The following DERL2 variants were observed in gnomAD, a reference collection of about 807,000 sequenced individuals.
DERL2 encodes derlin 2, also known as derlin-2.
In DERL2, 13 loss-of-function variants were observed where a neutral mutation model predicts 32.0. That is an observed-to-expected ratio of 0.41 (90% CI 0.26 to 0.65). The LOEUF is 0.65. Ranked by LOEUF, DERL2 falls within the 30% of genes least tolerant of loss-of-function variation. DERL2 has a pLI of 0.35. For synonymous variants in DERL2, 111 were observed against 104.7 expected (o/e 1.06, Z -0.37); for missense variants, 208 against 296.3 (o/e 0.70, Z 2.19).
intron 6 of DERL2, 60 bp downstream of exon 6, chr17:5,479,994 A>G: frequency 9.4e-7 from 1 of 1,067,646 alleles, no homozygotes; most frequent in Admixed American, 2.0e-5. Context: ...AAGAAAACAC[A>G]GATCATGCCC....
chr17:5,480,254 A>G, intron 5 of DERL2, 110 bp from the exon 6 acceptor site: 1 of 1,227,454 alleles, frequency 8.1e-7, no homozygotes, highest in South Asian at 1.4e-5. Context: ...CATAATTATT[A>G]AAAATTAATG....
chr17:5,483,293 T>C (rs764568814), intron 2 of DERL2, among the ~76,000 whole-genome samples: 1 of 151,574 alleles, frequency 6.6e-6, no homozygotes, highest in Non-Finnish European at 1.5e-5. Flanking sequence ...ATGTTTACAT[T>C]AGGCAGTCAG....
At position 5,481,557 on chromosome 17, in the gene DERL2, G is replaced by A. The variant is rs1046160777; in HGVS notation, c.234-168C>T. Among the ~76,000 whole-genome samples, 3 of 152,162 alleles carry A rather than the reference G, an allele frequency of 2.0e-5. No homozygotes were observed. Among genetic ancestry groups the A allele is most frequent in the Non-Finnish European group, 4.4e-5 (3 of 68,034 alleles). The stretch of plus-strand genomic sequence containing the variant: ...GTGATTACTTTTTTACCAAGCATTT[G>A]AGAAAAGGTCAAGACCAGCATCATT... On this transcript the variant is annotated intron_variant, in intron 3 of 6. Coordinates refer to ENST00000158771, the MANE Select transcript of DERL2 (RefSeq NM_016041.5). The surrounding 1 kb of genome is among the most constrained non-coding windows in gnomAD (Gnocchi z 4.4).
chr17:5,480,586 G>C lies in DERL2; in HGVS notation c.328-4C>G, dbSNP rs1905711192. The C allele has an allele frequency of 2.0e-6, 3 of 1,488,366 alleles. No homozygotes were observed. Among genetic ancestry groups the C allele is most frequent in the Admixed American group, 2.6e-5 (1 of 38,354 alleles). 92.2% of individuals were successfully genotyped at this position (1,488,366 alleles called of 1,614,324 possible). On this transcript the variant is annotated splice_polypyrimidine_tract_variant and splice_region_variant and intron_variant, in intron 4 of 6. Coordinates refer to ENST00000158771, the MANE Select transcript of DERL2 (RefSeq NM_016041.5). The stretch of plus-strand genomic sequence containing the variant: ...AGCTCACAAACAGACCAAAAAGCTA[G>C]CAGATGGCATTAAGGAAAATATCAA...
chr17:5,486,318 G>A (rs929315662), upstream of DERL2: 1 of 532,872 alleles, frequency 1.9e-6, no homozygotes, highest in Non-Finnish European at 3.3e-6. Flanking sequence ...AGAGACCTAA[G>A]GAACGCACAT....
intron 3 of DERL2, 125 bp downstream of exon 3, chr17:5,482,684 T>C (rs1905868352): frequency 1.6e-6 from 1 of 617,428 alleles, no homozygotes; most frequent in Non-Finnish European, 2.9e-6. Context: ...CTACTTTATG[T>C]ACCACTGACC....
At chr17:5,477,341 C>T (rs1288164027) in intron 6 of DERL2, among the ~76,000 whole-genome samples, 1 of 152,066 alleles carries the variant, frequency 6.6e-6, no homozygotes, top group African/African-American at 2.4e-5. Context: ...ATAGCAATTG[C>T]TTCTTGGGGG....
Position 5,480,430 on chromosome 17 carries a change from T to C in DERL2, c.480A>G (p.Gly160=), listed in dbSNP as rs1190271036. 6.2e-7 allele frequency: 1 copy of C among 1,613,280 alleles called. No individual in the cohort carries two copies. The highest frequency in any genetic ancestry group is 1.3e-5 in the African/African-American group (1 of 74,708). ...TTGAGTTCCCCAACAACAAGGAAAA[T>C]CCCATGAGCACCCAGGGCAGAAAGG... ...QAPFLPWVLM[G]FSLLLGNSII... The change falls in exon 5 of 7, where the codon GGA becomes GGG. Residue 160 remains glycine, a synonymous_variant. Coordinates refer to ENST00000158771, the MANE Select transcript of DERL2 (RefSeq NM_016041.5).
Position 5,485,157 on chromosome 17 carries a change from G to A in DERL2, c.153C>T (p.His51=), listed in dbSNP as rs774863197. 12 of 1,581,958 alleles carry A rather than the reference G, an allele frequency of 7.6e-6. No homozygotes were observed. Among genetic ancestry groups the A allele is most frequent in the Non-Finnish European group, 1.0e-5 (12 of 1,163,894 alleles). The change falls in exon 2 of 7, where the codon CAC becomes CAT. Residue 51 remains histidine, a synonymous_variant. Transcript: ENST00000158771. The part of the protein sequence containing the change: ...LYFNPELIFK[H]FQIWRLITNF... ...ATTGTGATGAACCACTTACTTGAAA[G>A]TGTTTAAAGATTAATTCAGGATTGA...
intron 1 of DERL2, 32 bp from the exon 2 acceptor site, chr17:5,485,248 T>TCAAC (rs16710): frequency 0.34 from 500,078 of 1,484,450 alleles, 92,223 homozygotes; most frequent in African/African-American, 0.73. Context: ...TTAAAGCAAA[T>TCAAC]CAAGAAACAA....
At position 5,474,605 on chromosome 17, in the gene DERL2, T is replaced by C; in HGVS notation, c.*79A>G. On this transcript the variant is annotated 3_prime_UTR_variant, in exon 7 of 7. Coordinates refer to ENST00000158771, the MANE Select transcript of DERL2 (RefSeq NM_016041.5). This position sits in a 1 kb window ranked among gnomAD's most constrained non-coding sequence, Gnocchi z 4.3. ...GCCAAGCTGTCAAAAGTGTCCACAC[T>C]TTTGCAACAAAGGATAAAAGATCCC... 8.6e-7 allele frequency: 1 copy of C among 1,162,252 alleles called. No individual in the cohort carries two copies. The highest frequency in any genetic ancestry group is 1.4e-5 in the South Asian group (1 of 69,858). 72.0% of individuals were successfully genotyped at this position (1,162,252 alleles called of 1,614,324 possible). A position where few individuals can be genotyped will look rare whatever the true frequency, so the allele number is the denominator to read the frequency against.
chr17:5,476,242 T>TCTA (rs1436698147), intron 6 of DERL2, among the ~76,000 whole-genome samples: 1 of 152,202 alleles, frequency 6.6e-6, no homozygotes, highest in Non-Finnish European at 1.5e-5. Context: ...CACTTATATT[T>TCTA]CTACTTGTAA....
chr17:5,481,213 A>G lies in DERL2; in HGVS notation c.327+83T>C. The G allele has an allele frequency of 2.0e-6, 2 of 1,000,954 alleles. No individual in the cohort carries two copies. The highest frequency in any genetic ancestry group is 3.2e-6 in the Non-Finnish European group (2 of 629,938). 62.0% of individuals were successfully genotyped at this position (1,000,954 alleles called of 1,614,324 possible). On this transcript the variant is annotated intron_variant, in intron 4 of 6. Coordinates refer to ENST00000158771, the MANE Select transcript of DERL2 (RefSeq NM_016041.5). This position sits in a 1 kb window ranked among gnomAD's most constrained non-coding sequence, Gnocchi z 4.4. ...ATAGTGCCCTGAAGCTAAGATCTAG[A>G]GAACTGTGGGAGACAGATGACAAGC...
chr17:5,481,465 C>A lies in DERL2; in HGVS notation c.234-76G>T. 1.0e-6 allele frequency: 1 copy of A among 965,390 alleles called. No individual in the cohort carries two copies. The allele number at this position is 965,390 out of a possible 1,614,324, so 59.8% of individuals were successfully genotyped here. On this transcript the variant is annotated intron_variant, in intron 3 of 6. Coordinates refer to ENST00000158771, the MANE Select transcript of DERL2 (RefSeq NM_016041.5). This position sits in a 1 kb window ranked among gnomAD's most constrained non-coding sequence, Gnocchi z 4.4. ...AAAATTTAATGTTATCTTGTAAGTA[C>A]ACTTGGATTCCATATTATTTGTAAT...
chr17:5,481,797 G>A lies in DERL2; in HGVS notation c.234-408C>T, dbSNP rs1199657363. ...CCTGAGTAGCTGGGATTACAGTTGT[G>A]TGCCACCATGCCAGGCTATTTTTTG... On this transcript the variant is annotated intron_variant, in intron 3 of 6. Coordinates refer to ENST00000158771, the MANE Select transcript of DERL2 (RefSeq NM_016041.5). This position sits in a 1 kb window ranked among gnomAD's most constrained non-coding sequence, Gnocchi z 4.4. Among the ~76,000 whole-genome samples, 2 of 151,976 alleles carry A rather than the reference G, an allele frequency of 1.3e-5. No individual in the cohort carries two copies. Among genetic ancestry groups the A allele is most frequent in the Admixed American group, 6.6e-5 (1 of 15,248 alleles).
At position 5,481,107 on chromosome 17, in the gene DERL2, TA is replaced by T. The variant is rs1220804273; in HGVS notation, c.327+188del. 7.9e-6 allele frequency: 5 copies of T among 628,932 alleles called. No individual in the cohort carries two copies. In the East Asian group the frequency reaches 1.4e-4, roughly 18 times the overall value. 39.0% of individuals were successfully genotyped at this position (628,932 alleles called of 1,614,324 possible). ...TTGCTTAACAGTAACCCACCTGGGT[TA>T]AAAGTTCCTTTGACTTGCTCATCCT... On this transcript the variant is annotated intron_variant, in intron 4 of 6. Coordinates refer to ENST00000158771, the MANE Select transcript of DERL2 (RefSeq NM_016041.5). The surrounding 1 kb of genome is among the most constrained non-coding windows in gnomAD (Gnocchi z 4.4).
At chr17:5,480,331 G>GT (rs1905691637) in intron 5 of DERL2, 56 bp downstream of exon 5, 1 of 1,526,910 alleles carries the variant, frequency 6.5e-7, no homozygotes, top group Non-Finnish European at 8.9e-7. Flanking sequence ...ATGAAAAATA[G>GT]TAACAAAATA....
intron 3 of DERL2, chr17:5,482,485 A>C (rs1905855952): frequency 4.6e-6 from 1 of 216,236 alleles, no homozygotes; most frequent in African/African-American, 2.4e-5. Flanking sequence ...TTACCATTGC[A>C]TTCAGGTTGT....
At position 5,474,716 on chromosome 17, in the gene DERL2, C is replaced by T. The variant is rs1486099412; in HGVS notation, c.688G>A (p.Ala230Thr). 4 of 1,613,350 alleles carry T rather than the reference C, an allele frequency of 2.5e-6. No homozygotes were observed. Among genetic ancestry groups the T allele is most frequent in the Non-Finnish European group, 3.4e-6 (4 of 1,179,740 alleles). ...CCAAGCCGCTGGCCCTCACCCCAGG[C>T]GAAGCCTCCTGGCCGTTCCTCAGGT... ...PLPEERPGGF[A>T]WGEGQRLGG Residue 230 changes from alanine (A) to threonine (T), a missense_variant, in exon 7 of 7, where the codon GCC becomes ACC. Transcript: ENST00000158771. This position sits in a 1 kb window ranked among gnomAD's most constrained non-coding sequence, Gnocchi z 4.3.
Sources: gnomAD v4.1 joint callset for allele counts (sites outside exome capture counted in the v4.1 genomes callset) on GRCh38, gnomAD v4.1.1 for gene constraint, Gnocchi (gnomAD v3.1) non-coding constraint, MANE v1.5 for transcripts, NCBI Gene and HGNC (gene_info 2026-07-23, HGNC 2026-07-21) for gene names.